CEP350: variants seen among roughly 807,000 people sequenced by gnomAD.
CEP350 encodes centrosome-associated protein 350.
CEP350 carries 126 observed loss-of-function variants against 331.8 expected under a neutral mutation model. That is an observed-to-expected ratio of 0.38 (90% CI 0.33 to 0.44). CEP350 has a LOEUF of 0.44. Ranked by LOEUF, CEP350 falls within the 20% of genes least tolerant of loss-of-function variation. The pLI, the probability that CEP350 is intolerant of heterozygous loss-of-function variation, is 1.00. For synonymous variants in CEP350, 1,200 were observed against 1,259.5 expected (o/e 0.95, Z 1.00); for missense variants, 3,406 against 3,634.6 (o/e 0.94, Z 1.62).
At chr1:180,078,221 T>C (rs765160009) in intron 28 of CEP350, among the ~76,000 whole-genome samples, 1 of 151,972 alleles carries the variant, frequency 6.6e-6, no homozygotes, top group Non-Finnish European at 1.5e-5. Flanking sequence ...TACTTTACCA[T>C]ACATCAAGAC....
intron 30 of CEP350, among the ~76,000 whole-genome samples, chr1:180,081,853 T>C (rs1289380238): frequency 6.6e-6 from 1 of 152,272 alleles, no homozygotes; most frequent in African/African-American, 2.4e-5. Flanking sequence ...TCTTTTTGTA[T>C]ATTTCAGTGT....
At chr1:180,018,609 C>T (rs1432712760) in intron 11 of CEP350, among the ~76,000 whole-genome samples, 1 of 152,096 alleles carries the variant, frequency 6.6e-6, no homozygotes, top group Non-Finnish European at 1.5e-5. Flanking sequence ...CTTATTATTA[C>T]CCTGGTTACC....
chr1:180,018,823 A>C (rs946144336), intron 11 of CEP350, among the ~76,000 whole-genome samples: 1 of 150,948 alleles, frequency 6.6e-6, no homozygotes, highest in African/African-American at 2.4e-5. Flanking sequence ...GACAAGACCA[A>C]GGACAAAGCC....
Position 180,032,935 on chromosome 1 carries a change from A to G in CEP350, c.3726-927A>G, listed in dbSNP as rs140293582. Among the ~76,000 whole-genome samples, 1,208 of 152,240 alleles carry G rather than the reference A, an allele frequency of 7.9e-3. 10 individuals carry two copies. Among genetic ancestry groups the G allele is most frequent in the South Asian group, 0.023 (109 of 4,824 alleles). On this transcript the variant is annotated intron_variant, in intron 15 of 37. Coordinates refer to ENST00000367607, the MANE Select transcript of CEP350 (RefSeq NM_014810.5). ...AATAGTATTTATCTAAAGTATCAAT[A>G]GAAAATTAAGGGTCAAATAAACACA... is the stretch of plus-strand genomic sequence containing the variant.
At chr1:180,018,026 G>C (rs888813872) in intron 11 of CEP350, among the ~76,000 whole-genome samples, 1 of 152,152 alleles carries the variant, frequency 6.6e-6, no homozygotes, top group Non-Finnish European at 1.5e-5. Context: ...TTAATTTGGA[G>C]ACAGGGTCTT....
chr1:180,011,313 T>A (rs1193006225), intron 8 of CEP350, among the ~76,000 whole-genome samples: 1 of 152,258 alleles, frequency 6.6e-6, no homozygotes, highest in Non-Finnish European at 1.5e-5. Context: ...ATTTTTTACA[T>A]GTTCTTTGAT....
chr1:180,089,147 A>C (rs567535830), intron 32 of CEP350, among the ~76,000 whole-genome samples: 1 of 152,366 alleles, frequency 6.6e-6, no homozygotes, highest in African/African-American at 2.4e-5. Context: ...GTGTTTACAG[A>C]GATCTTTCTG....
At chr1:180,041,829 T>G (rs758410344) in intron 19 of CEP350, 27 bp downstream of exon 19, 2 of 1,589,516 alleles carry the variant, frequency 1.3e-6, no homozygotes, top group Non-Finnish European at 1.7e-6. Context: ...ACACTTCTCT[T>G]TTTACTTCTT....
chr1:180,092,314 G>C (rs983288127), intron 33 of CEP350, among the ~76,000 whole-genome samples: 2 of 152,140 alleles, frequency 1.3e-5, no homozygotes, highest in Admixed American at 1.3e-4. Flanking sequence ...ATTTTTGCAT[G>C]ATTTGAGGAT....
chr1:179,986,286 T>C, intron 2 of CEP350, 32 bp downstream of exon 2: 1 of 1,460,700 alleles, frequency 6.8e-7, no homozygotes. Context: ...CAGAACTTAA[T>C]ACCTCATTTA....
chr1:180,081,012 A>G (rs1427715401), intron 30 of CEP350, among the ~76,000 whole-genome samples: 1 of 149,434 alleles, frequency 6.7e-6, no homozygotes, highest in African/African-American at 2.5e-5. Flanking sequence ...GGCACCCGCC[A>G]CCACGCCTGG....
chr1:180,072,402 T>A (rs762054156), intron 27 of CEP350, among the ~76,000 whole-genome samples: 3 of 152,162 alleles, frequency 2.0e-5, no homozygotes, highest in Non-Finnish European at 4.4e-5. Context: ...ATGCATGCAT[T>A]TAGCAGTTAT....
Position 180,013,981 on chromosome 1 carries a change from G to C in CEP350, c.1528G>C (p.Asp510His). The change falls in exon 10 of 38, where the codon GAT (aspartate) becomes CAT (histidine). Residue 510 changes from aspartate (D) to histidine (H), a missense_variant. Asp to His is a moderately conservative substitution (Grantham distance 81). This residue lies in a region of CEP350 where 1,857 missense variants were observed against 1,909.2 expected (regional missense o/e 0.97). Transcript: ENST00000367607. ...AAAGAAACTAGCTTCATCTCTTCCA[G>C]ATAATAAGCAGGAGGAAAATACTGC... ...NIKKLASSLPDNKQEENTALN... is the reference protein window; with the variant it reads ...NIKKLASSLPHNKQEENTALN... 4 of 1,613,806 alleles carry C rather than the reference G, an allele frequency of 2.5e-6. No individual in the cohort carries two copies. The highest frequency in any genetic ancestry group is 3.4e-6 in the Non-Finnish European group (4 of 1,179,790).
intron 21 of CEP350, among the ~76,000 whole-genome samples, chr1:180,047,737 G>A (rs1287250267): frequency 7.1e-6 from 1 of 141,162 alleles, no homozygotes; most frequent in Admixed American, 7.4e-5. Context: ...CTCCAGCCTG[G>A]GCGACAGAAT....
At chr1:180,008,779 T>C (rs1403303594) in intron 8 of CEP350, among the ~76,000 whole-genome samples, 1 of 152,184 alleles carries the variant, frequency 6.6e-6, no homozygotes, top group Non-Finnish European at 1.5e-5. Flanking sequence ...TGATTAGTGC[T>C]GCGGTAAGAG....
chr1:179,970,515 A>G (rs1347092446), intron 1 of CEP350, among the ~76,000 whole-genome samples: 1 of 151,344 alleles, frequency 6.6e-6, no homozygotes, highest in African/African-American at 2.4e-5. Flanking sequence ...GGAATATTGC[A>G]GAGTTGTCTT....
At chr1:180,026,469 A>G (rs948780622) in intron 14 of CEP350, among the ~76,000 whole-genome samples, 3 of 152,172 alleles carry the variant, frequency 2.0e-5, no homozygotes, top group African/African-American at 7.2e-5. Context: ...TAAAATATAC[A>G]TGACATAGAA....
chr1:180,048,535 G>A lies in CEP350; in HGVS notation c.4623-1G>A. ...TGTTGTTTCCATGTATCCATAAAAA[G>A]AAGTAGCAGTGGTAGCAGCCGCCAA... On this transcript the variant is annotated splice_acceptor_variant, in intron 21 of 37. Coordinates refer to ENST00000367607, the MANE Select transcript of CEP350 (RefSeq NM_014810.5). LOFTEE classifies it high-confidence loss of function. 6.3e-7 allele frequency: 1 copy of A among 1,589,664 alleles called. No individual in the cohort carries two copies. Among genetic ancestry groups the A allele is most frequent in the South Asian group, 1.1e-5 (1 of 88,092 alleles).
intron 26 of CEP350, 77 bp from the exon 27 acceptor site, chr1:180,065,038 A>G: frequency 7.2e-7 from 1 of 1,392,802 alleles, no homozygotes; most frequent in Non-Finnish European, 9.4e-7. Flanking sequence ...GATAAACTTA[A>G]TTTTGAATTG....
Sources: gnomAD v4.1 joint callset for allele counts (sites outside exome capture counted in the v4.1 genomes callset) on GRCh38, gnomAD v4.1.1 for gene constraint, gnomAD v4.1.1 regional missense constraint, MANE v1.5 for transcripts, NCBI Gene and HGNC (gene_info 2026-07-23, HGNC 2026-07-21) for gene names.